Variants in HDAC1 observed in about 807,000 individuals in gnomAD.
HDAC1 encodes histone deacetylase 1.
In HDAC1, 18 loss-of-function variants were observed where a neutral mutation model predicts 65.5. That is an observed-to-expected ratio of 0.27 (90% CI 0.19 to 0.41). The LOEUF (loss-of-function observed/expected upper bound fraction) is 0.41, where lower values mean the gene tolerates loss of function less well. HDAC1 is among the 10% of genes least tolerant of loss of function. The probability of loss-of-function intolerance (pLI) is 1.00; values close to 1 mark genes in which losing one functional copy is unlikely to be tolerated. For synonymous variants in HDAC1, 211 were observed against 227.9 expected (o/e 0.93, Z 0.67); for missense variants, 373 against 625.2 (o/e 0.60, Z 4.30).
intron 2 of HDAC1, among the ~76,000 whole-genome samples, chr1:32,308,785 T>C (rs1557603238): frequency 1.3e-5 from 2 of 152,062 alleles, no homozygotes; most frequent in Non-Finnish European, 2.9e-5. Context: ...CCCAAAGTGC[T>C]GGGATTACAG....
chr1:32,292,788 T>C (rs977286180), intron 1 of HDAC1, among the ~76,000 whole-genome samples: 12 of 152,008 alleles, frequency 7.9e-5, no homozygotes, highest in African/African-American at 2.9e-4. Context: ...GAGGAAGTGT[T>C]GAGGGGCTGG....
chr1:32,302,700 C>G lies in HDAC1; in HGVS notation c.129C>G (p.Leu43=). 1 of 1,597,384 alleles carries G rather than the reference C, an allele frequency of 6.3e-7. No homozygotes were observed. The highest frequency in any genetic ancestry group is 1.3e-5 in the African/African-American group (1 of 74,678). The part of the protein sequence containing the change: ...HRIRMTHNLL[L]NYGLYRKMEI... ...TCCGCATGACTCATAATTTGCTGCT[C>G]AACTATGGTCTCTACCGAAAAATGG... Residue 43 remains leucine (L), a synonymous_variant, in exon 2 of 14, where the codon CTC becomes CTG. Coordinates refer to ENST00000373548, the MANE Select transcript of HDAC1 (RefSeq NM_004964.3).
chr1:32,326,656 A>AT (rs912377742), intron 4 of HDAC1, among the ~76,000 whole-genome samples: 3 of 149,894 alleles, frequency 2.0e-5, no homozygotes, highest in African/African-American at 5.0e-5. Flanking sequence ...TCATTAAAAA[A>AT]ATATATATAT....
chr1:32,314,842 A>T (rs1164624873), intron 2 of HDAC1, among the ~76,000 whole-genome samples: 2 of 151,964 alleles, frequency 1.3e-5, no homozygotes, highest in East Asian at 3.9e-4. Flanking sequence ...AAAAAAAAAA[A>T]AGGGATATTT....
Position 32,332,148 on chromosome 1 carries a change from G to A in HDAC1, c.1278G>A (p.Glu426=), listed in dbSNP as rs1641300988. The change falls in exon 12 of 14, where the codon GAG becomes GAA. Residue 426 remains glutamate, a synonymous_variant. Coordinates refer to ENST00000373548, the MANE Select transcript of HDAC1 (RefSeq NM_004964.3). ...CEEEFSDSEE[E]GEGGRKNSSN... ...AAGAGTTCTCCGATTCTGAAGAGGA[G>A]GGAGAGGGGGGCCGCAAGAACTCTT... is the stretch of plus-strand genomic sequence containing the variant. 1 of 1,613,226 alleles carries A rather than the reference G, an allele frequency of 6.2e-7. No homozygotes were observed. Among genetic ancestry groups the A allele is most frequent in the Non-Finnish European group, 8.5e-7 (1 of 1,179,520 alleles).
chr1:32,320,425 AT>A, intron 3 of HDAC1, among the ~76,000 whole-genome samples: 1 of 152,260 alleles, frequency 6.6e-6, no homozygotes, highest in East Asian at 1.9e-4. Flanking sequence ...AAATAAATGC[AT>A]TTAGGGGGCT....
chr1:32,324,253 C>T (rs1641187164), intron 3 of HDAC1, among the ~76,000 whole-genome samples: 1 of 152,110 alleles, frequency 6.6e-6, no homozygotes, highest in African/African-American at 2.4e-5. Context: ...CACTGCACTC[C>T]AGCATGGGCA....
intron 4 of HDAC1, among the ~76,000 whole-genome samples, chr1:32,325,523 C>T (rs1412107254): frequency 6.6e-6 from 1 of 152,184 alleles, no homozygotes; most frequent in Non-Finnish European, 1.5e-5. Context: ...ACATATACAA[C>T]ATCTATATTT....
intron 2 of HDAC1, among the ~76,000 whole-genome samples, chr1:32,311,337 G>A (rs970693875): frequency 2.0e-5 from 3 of 152,006 alleles, no homozygotes; most frequent in Non-Finnish European, 2.9e-5. Flanking sequence ...GCGTGGTCGC[G>A]GGTGCCTGTA....
At position 32,331,805 on chromosome 1, in the gene HDAC1, G is replaced by A. The variant is rs376264417; in HGVS notation, c.1218G>A (p.Ser406=). ...EDEDDPDKRI[S]ICSSDKRIAC... ...AAGACGACCCTGACAAGCGCATCTC[G>A]AGTGAGACCCAGACCTAGAGCCCTA... The change falls in exon 11 of 14, where the codon TCG becomes TCA. Residue 406 remains serine (S), a splice_region_variant and synonymous_variant. Transcript: ENST00000373548. This position sits in a 1 kb window ranked among gnomAD's most constrained non-coding sequence, Gnocchi z 4.2. 3.1e-6 allele frequency: 5 copies of A among 1,609,026 alleles called. No homozygotes were observed. The highest frequency in any genetic ancestry group is 2.2e-5 in the East Asian group (1 of 44,818).
intron 2 of HDAC1, among the ~76,000 whole-genome samples, chr1:32,309,186 A>C (rs552290237): frequency 1.3e-5 from 2 of 152,254 alleles, no homozygotes; most frequent in East Asian, 3.9e-4. Context: ...TGTTGCTTCA[A>C]ATAAAGGTAG....
intron 4 of HDAC1, among the ~76,000 whole-genome samples, chr1:32,326,138 A>G (rs755880852): frequency 1.3e-5 from 2 of 152,058 alleles, no homozygotes; most frequent in Admixed American, 6.6e-5. Context: ...GACCTAGTGT[A>G]TCAGCACTAT....
chr1:32,310,095 A>G (rs1412951058), intron 2 of HDAC1, among the ~76,000 whole-genome samples: 1 of 152,208 alleles, frequency 6.6e-6, no homozygotes, highest in East Asian at 1.9e-4. Context: ...GAAATTGTCC[A>G]GAAAGGATCT....
At chr1:32,325,963 G>A (rs1641211858) in intron 4 of HDAC1, among the ~76,000 whole-genome samples, 1 of 151,776 alleles carries the variant, frequency 6.6e-6, no homozygotes, top group Non-Finnish European at 1.5e-5. Flanking sequence ...GGAGGCGGAG[G>A]TTGCAGTGAG....
intron 3 of HDAC1, among the ~76,000 whole-genome samples, chr1:32,318,715 T>C (rs527743609): frequency 2.4e-4 from 37 of 152,316 alleles, no homozygotes; most frequent in Non-Finnish European, 3.8e-4. Flanking sequence ...ACTATTTTTA[T>C]TATTTACAAA....
In HDAC1 at chr1:32,333,150, T is replaced by A; in HGVS notation, c.*106T>A. 1.1e-6 allele frequency: 1 copy of A among 920,374 alleles called. No individual in the cohort carries two copies. Among genetic ancestry groups the A allele is most frequent in the Non-Finnish European group, 1.6e-6 (1 of 616,262 alleles). 57.0% of individuals were successfully genotyped at this position (920,374 alleles called of 1,614,324 possible). ...TCTGTGTATTTATATAAAAATTTAT[T>A]AAATATAAATATCCCCAGGGACAGA... On this transcript the variant is annotated 3_prime_UTR_variant, in exon 14 of 14. Transcript: ENST00000373548.
In HDAC1 at chr1:32,333,274, G is replaced by A. The variant is rs1641324831; in HGVS notation, c.*230G>A. Reference sequence around the variant, plus strand: ...CGTTCTTAACTTTGAACCATAAAGGGTGCCAGGTCTGGGTGAAAGGGATAC... The same window carrying A: ...CGTTCTTAACTTTGAACCATAAAGGATGCCAGGTCTGGGTGAAAGGGATAC... On this transcript the variant is annotated 3_prime_UTR_variant, in exon 14 of 14. Transcript: ENST00000373548. 12 of 413,010 alleles carry A rather than the reference G, an allele frequency of 2.9e-5. No individual in the cohort carries two copies. The East Asian group carries it at 4.8e-4, about 16-fold the overall frequency. The allele number at this position is 413,010 out of a possible 1,614,324, so 25.6% of individuals were successfully genotyped here. A position where few individuals can be genotyped will look rare whatever the true frequency, so the allele number is the denominator to read the frequency against.
intron 3 of HDAC1, among the ~76,000 whole-genome samples, chr1:32,317,644 G>C (rs1289400120): frequency 6.6e-6 from 1 of 152,020 alleles, no homozygotes; most frequent in Non-Finnish European, 1.5e-5. Flanking sequence ...GGTATTGATG[G>C]CAGAACCACA....
Position 32,302,628 on chromosome 1 carries a change from T to C in HDAC1, c.57T>C (p.Val19=). Residue 19 remains valine, a synonymous_variant, in exon 2 of 14, where the codon GTT becomes GTC. Coordinates refer to ENST00000373548, the MANE Select transcript of HDAC1 (RefSeq NM_004964.3). The part of the protein sequence containing the change: ...RKVCYYYDGD[V]GNYYYGQGHP... The stretch of plus-strand genomic sequence containing the variant: ...TCACTCTCTCTTCTTCAGGGGATGT[T>C]GGAAATTACTATTATGGACAAGGCC... The C allele has an allele frequency of 1.3e-6, 2 of 1,544,790 alleles. No individual in the cohort carries two copies. Among genetic ancestry groups the C allele is most frequent in the Non-Finnish European group, 1.8e-6 (2 of 1,116,702 alleles).
Sources: gnomAD v4.1 joint callset for allele counts (sites outside exome capture counted in the v4.1 genomes callset) on GRCh38, gnomAD v4.1.1 for gene constraint, Gnocchi (gnomAD v3.1) non-coding constraint, MANE v1.5 for transcripts, NCBI Gene and HGNC (gene_info 2026-07-23, HGNC 2026-07-21) for gene names.